The following ULK3 variants were observed in gnomAD, a reference collection of about 807,000 sequenced individuals.
The protein encoded by ULK3 is unc-51 like kinase 3.
Under a neutral mutation model 69.4 loss-of-function variants are expected in ULK3, and 54 were observed. The observed-to-expected ratio is 0.78, with a 90% CI of 0.63 to 0.98. The LOEUF is 0.98. Ranked by LOEUF, ULK3 falls within the 50% of genes least tolerant of loss-of-function variation. The pLI is 0.00. For synonymous variants in ULK3, 240 were observed against 254.5 expected (o/e 0.94, Z 0.54); for missense variants, 558 against 627.7 (o/e 0.89, Z 1.19).
Position 74,837,054 on chromosome 15 carries a change from G to A in ULK3, c.*174C>T. On this transcript the variant is annotated 3_prime_UTR_variant, in exon 16 of 16. Transcript: ENST00000440863. ...AGCACAGCCATCAAACCATCTGTGGGGTGCAGAGTAACCTGAGGGAGGCTG... is the reference window on the plus strand; with the variant it reads ...AGCACAGCCATCAAACCATCTGTGGAGTGCAGAGTAACCTGAGGGAGGCTG... 1.2e-6 allele frequency: 1 copy of A among 826,576 alleles called. No individual in the cohort carries two copies. Among genetic ancestry groups the A allele is most frequent in the Non-Finnish European group, 1.8e-6 (1 of 547,640 alleles). The allele number at this position is 826,576 out of a possible 1,614,324, so 51.2% of individuals were successfully genotyped here. A position where few individuals can be genotyped will look rare whatever the true frequency, so the allele number is the denominator to read the frequency against.
Position 74,838,455 on chromosome 15 carries a change from T to A in ULK3, c.1152A>T (p.Ser384=). ...PRLLAALEVA[S]AAMAKEEAAG... is the part of the protein sequence containing the mutation. ...TGGCACAAACCTTGGCCATGGCAGC[T>A]GAAGCCACTTCCAGGGCAGCTAGGA... is the stretch of plus-strand genomic sequence containing the variant. Residue 384 remains serine (S), a synonymous_variant, in exon 11 of 16, where the codon TCA becomes TCT. Coordinates refer to ENST00000440863, the MANE Select transcript of ULK3 (RefSeq NM_001099436.4). 6.3e-7 allele frequency: 1 copy of A among 1,578,182 alleles called. No homozygotes were observed. Among genetic ancestry groups the A allele is most frequent in the Non-Finnish European group, 8.6e-7 (1 of 1,162,126 alleles).
rs549891908 is a variant in ULK3, at chr15:74,839,493, A to G, written c.852+65T>C. 2,336 of 1,540,252 alleles carry G rather than the reference A, an allele frequency of 1.5e-3. 6 individuals are homozygous for G. Among genetic ancestry groups the G allele is most frequent in the Non-Finnish European group, 1.9e-3 (2,180 of 1,144,208 alleles). ...CTGTTGGGTGAGTCACCAATTCACC[A>G]CCAACGGGGGCAAGGAGACCTCCAG... On this transcript the variant is annotated intron_variant, in intron 7 of 15. Coordinates refer to ENST00000440863, the MANE Select transcript of ULK3 (RefSeq NM_001099436.4).
chr15:74,841,581 C>T (rs745958695), intron 3 of ULK3, 72 bp from the exon 4 acceptor site: 3 of 1,288,460 alleles, frequency 2.3e-6, no homozygotes, highest in Non-Finnish European at 3.3e-6. Context: ...CCCCGGCTCA[C>T]ATCTGCCTCC....
Position 74,837,802 on chromosome 15 carries a change from C to T in ULK3, c.1288-4G>A, listed in dbSNP as rs369656406. 7 of 1,592,498 alleles carry T rather than the reference C, an allele frequency of 4.4e-6. No homozygotes were observed. The African/African-American group carries it at 9.4e-5, about 21-fold the overall frequency. The stretch of plus-strand genomic sequence containing the variant: ...CTCGGGCCATGAGGTTCTGAACCTG[C>T]CAAGGAAAGATATGCCCTTGGGTGT... On this transcript the variant is annotated splice_region_variant and splice_polypyrimidine_tract_variant and intron_variant, in intron 13 of 15. Coordinates refer to ENST00000440863, the MANE Select transcript of ULK3 (RefSeq NM_001099436.4).
rs1050029131 is a variant in ULK3, at chr15:74,840,124, G to C, written c.696+110C>G. On this transcript the variant is annotated intron_variant, in intron 6 of 15. Transcript: ENST00000440863. ...CTAGAACCTGCCCCTCCACCACAAA[G>C]GCAGCCTGGAGCCCATACTCCAGTC... 7 of 1,354,030 alleles carry C rather than the reference G, an allele frequency of 5.2e-6. No individual in the cohort carries two copies. The Admixed American group carries it at 1.0e-4, about 20-fold the overall frequency. 83.9% of individuals were successfully genotyped at this position (1,354,030 alleles called of 1,614,324 possible).
At position 74,842,684 on chromosome 15, in the gene ULK3, T is replaced by C; in HGVS notation, c.103-264A>G. On this transcript the variant is annotated intron_variant, in intron 1 of 15. Transcript: ENST00000440863. The surrounding 1 kb of genome is among the most constrained non-coding windows in gnomAD (Gnocchi z 4.9). ...TCCATTTCTTTGCATTCTGGAGTGC[T>C]CCCGGCAGAGGCATGTCACTCAGGG... The C allele has an allele frequency of 6.5e-7, 1 of 1,534,890 alleles. No homozygotes were observed. Among genetic ancestry groups the C allele is most frequent in the South Asian group, 1.2e-5 (1 of 84,044 alleles).
Position 74,842,894 on chromosome 15 carries a change from G to T in ULK3, c.102+110C>A. The T allele has an allele frequency of 7.3e-7, 1 of 1,365,202 alleles. No homozygotes were observed. Among genetic ancestry groups the T allele is most frequent in the Non-Finnish European group, 9.8e-7 (1 of 1,015,758 alleles). 84.6% of individuals were successfully genotyped at this position (1,365,202 alleles called of 1,614,324 possible). A position where few individuals can be genotyped will look rare whatever the true frequency, so the allele number is the denominator to read the frequency against. ...GCCGAGGGTCAGCTGGGGCGAGGCCGGCCTCCCGCCCCTAACTATTCCCAC... is the reference window on the plus strand; with the variant it reads ...GCCGAGGGTCAGCTGGGGCGAGGCCTGCCTCCCGCCCCTAACTATTCCCAC... On this transcript the variant is annotated intron_variant, in intron 1 of 15. Coordinates refer to ENST00000440863, the MANE Select transcript of ULK3 (RefSeq NM_001099436.4). The surrounding 1 kb of genome is among the most constrained non-coding windows in gnomAD (Gnocchi z 4.9).
Position 74,837,375 on chromosome 15 carries a change from G to C in ULK3, c.1396C>G (p.Arg466Gly). Residue 466 changes from arginine (R) to glycine (G), a missense_variant, in exon 15 of 16, where the codon CGT (arginine) becomes GGT (glycine). By Grantham distance (125) the Arg-to-Gly change is moderately radical. Coordinates refer to ENST00000440863, the MANE Select transcript of ULK3 (RefSeq NM_001099436.4). ...LDKEGLSESV[R>G]SSCTLQ ...ACCCCAGGGCAGGACTCACAGCTAC[G>C]AACAGATTCCGACAGTCCCTCTTTG... 1 of 1,613,056 alleles carries C rather than the reference G, an allele frequency of 6.2e-7. No homozygotes were observed. Among genetic ancestry groups the C allele is most frequent in the East Asian group, 2.2e-5 (1 of 44,850 alleles).
chr15:74,841,215 G>A (rs541108492), intron 4 of ULK3, among the ~76,000 whole-genome samples, 190 bp downstream of exon 4: 3 of 152,278 alleles, frequency 2.0e-5, no homozygotes, highest in Admixed American at 2.0e-4. Flanking sequence ...TTATGCTGCT[G>A]GACTTGAGCA....
chr15:74,839,217 G>A (rs917575192), intron 8 of ULK3, 51 bp downstream of exon 8: 15 of 1,539,292 alleles, frequency 9.7e-6, no homozygotes, highest in Non-Finnish European at 1.3e-5. Context: ...AGCCACAGAT[G>A]ACTCCCATCC....
In ULK3 at chr15:74,842,770, C is replaced by A; in HGVS notation, c.102+234G>T. 2 of 1,491,644 alleles carry A rather than the reference C, an allele frequency of 1.3e-6. No individual in the cohort carries two copies. The highest frequency in any genetic ancestry group is 1.8e-6 in the Non-Finnish European group (2 of 1,119,840). The allele number at this position is 1,491,644 out of a possible 1,614,324, so 92.4% of individuals were successfully genotyped here. A position where few individuals can be genotyped will look rare whatever the true frequency, so the allele number is the denominator to read the frequency against. On this transcript the variant is annotated intron_variant, in intron 1 of 15. Transcript: ENST00000440863. This position sits in a 1 kb window ranked among gnomAD's most constrained non-coding sequence, Gnocchi z 4.9. ...CAGTCCCAGACTCCTCCCAGCCCAC[C>A]AGGTAACCTGTTTTGAGCCTGTTCT...
At position 74,843,007 on chromosome 15, in the gene ULK3, G is replaced by T. The variant is rs1475379328; in HGVS notation, c.99C>A (p.Ala33=). ...GTYATVYKAY[A]KKDTREVVAI... ...GGGGCCATCGGCCGGCACCCACCTT[G>T]GCGTAGGCCTTGTACACCGTGGCGT... is the stretch of plus-strand genomic sequence containing the variant. Residue 33 remains alanine (A), a synonymous_variant, in exon 1 of 16, where the codon GCC becomes GCA. Coordinates refer to ENST00000440863, the MANE Select transcript of ULK3 (RefSeq NM_001099436.4). 1 of 1,547,414 alleles carries T rather than the reference G, an allele frequency of 6.5e-7. No homozygotes were observed. Among genetic ancestry groups the T allele is most frequent in the Non-Finnish European group, 8.7e-7 (1 of 1,145,846 alleles).
intron 13 of ULK3, 163 bp from the exon 14 acceptor site, chr15:74,837,961 C>T: frequency 8.2e-7 from 1 of 1,224,928 alleles, no homozygotes; most frequent in Non-Finnish European, 1.1e-6. Context: ...GAAGCCTTCC[C>T]AGACTTTTTG....
chr15:74,841,961 C>CT, intron 3 of ULK3, 114 bp downstream of exon 3: 2 of 1,520,420 alleles, frequency 1.3e-6, no homozygotes, highest in Non-Finnish European at 1.8e-6. Flanking sequence ...AAATTTCAGG[C>CT]TGTGCAGGAG....
rs183079698 is a variant in ULK3, at chr15:74,836,964, G to A, written c.*264C>T. 4.7e-6 allele frequency: 2 copies of A among 426,360 alleles called. No homozygotes were observed. The highest frequency in any genetic ancestry group is 3.9e-5 in the Admixed American group (1 of 25,366). 26.4% of individuals were successfully genotyped at this position (426,360 alleles called of 1,614,324 possible). ...ACAGGCACAGGACCCAGTAACCACCGAGTAACAAAGGTCTCATGAAAGAAG... is the reference window on the plus strand; with the variant it reads ...ACAGGCACAGGACCCAGTAACCACCAAGTAACAAAGGTCTCATGAAAGAAG... On this transcript the variant is annotated 3_prime_UTR_variant, in exon 16 of 16. Coordinates refer to ENST00000440863, the MANE Select transcript of ULK3 (RefSeq NM_001099436.4). This position sits in a 1 kb window ranked among gnomAD's most constrained non-coding sequence, Gnocchi z 4.0.
rs1025538918 is a variant in ULK3, at chr15:74,843,126, C to T, written c.-21G>A. ...GCCATTCCGGCCGCCTGCGCCCGCG[C>T]GGGCGCTTCCTCGCTGCGGGCGGCG... On this transcript the variant is annotated 5_prime_UTR_variant, in exon 1 of 16. Coordinates refer to ENST00000440863, the MANE Select transcript of ULK3 (RefSeq NM_001099436.4). The T allele has an allele frequency of 2.3e-4, 291 of 1,252,780 alleles. No homozygotes were observed. Among genetic ancestry groups the T allele is most frequent in the Middle Eastern group, 1.8e-3 (6 of 3,272 alleles). 77.6% of individuals were successfully genotyped at this position (1,252,780 alleles called of 1,614,324 possible). A position where few individuals can be genotyped will look rare whatever the true frequency, so the allele number is the denominator to read the frequency against.
chr15:74,837,676 G>T (rs759037237), intron 14 of ULK3, 75 bp downstream of exon 14: 8 of 1,379,894 alleles, frequency 5.8e-6, no homozygotes, highest in South Asian at 5.1e-5. Flanking sequence ...ACACCAGCAG[G>T]GGGGGACGAC....
Position 74,842,656 on chromosome 15 carries a change from T to C in ULK3, c.103-236A>G, listed in dbSNP as rs1452070105. ...TGGTCTTCTCCAACCCTCGGCTAGC[T>C]GATCCATTTCTTTGCATTCTGGAGT... On this transcript the variant is annotated intron_variant, in intron 1 of 15. Transcript: ENST00000440863. The surrounding 1 kb of genome is among the most constrained non-coding windows in gnomAD (Gnocchi z 4.9). The C allele has an allele frequency of 3.9e-6, 6 of 1,535,948 alleles. No homozygotes were observed. The highest frequency in any genetic ancestry group is 5.2e-6 in the Non-Finnish European group (6 of 1,147,038).
At position 74,837,114 on chromosome 15, in the gene ULK3, A is replaced by G. The variant is rs2064040005; in HGVS notation, c.*114T>C. The G allele has an allele frequency of 2.8e-6, 4 of 1,411,340 alleles. No individual in the cohort carries two copies. In the Admixed American group the frequency reaches 8.5e-5, roughly 30 times the overall value. The allele number at this position is 1,411,340 out of a possible 1,614,324, so 87.4% of individuals were successfully genotyped here. A position where few individuals can be genotyped will look rare whatever the true frequency, so the allele number is the denominator to read the frequency against. Reference sequence around the variant, plus strand: ...GGATATGGGGGTCTCAGCACTGTCCATCCAAGAAGCCTGCTCGCCAGGGCT... The same window carrying G: ...GGATATGGGGGTCTCAGCACTGTCCGTCCAAGAAGCCTGCTCGCCAGGGCT... On this transcript the variant is annotated 3_prime_UTR_variant, in exon 16 of 16. Transcript: ENST00000440863.
Sources: gnomAD v4.1 joint callset for allele counts (sites outside exome capture counted in the v4.1 genomes callset) on GRCh38, gnomAD v4.1.1 for gene constraint, Gnocchi (gnomAD v3.1) non-coding constraint, MANE v1.5 for transcripts, NCBI Gene and HGNC (gene_info 2026-07-23, HGNC 2026-07-21) for gene names.